Variants in DCAF8L2 observed in about 807,000 individuals in gnomAD.
The protein encoded by DCAF8L2 is DDB1 and CUL4 associated factor 8 like 2.
For synonymous variants in DCAF8L2, 200 were observed against 190.9 expected (o/e 1.05, Z -0.39); for missense variants, 430 against 490.7 (o/e 0.88, Z 1.17).
At chrX:27,630,255 T>G (rs1928228453) in intron 1 of DCAF8L2, among the ~76,000 whole-genome samples, 1 of 111,830 alleles carries the variant, frequency 8.9e-6, no homozygotes, top group Non-Finnish European at 1.9e-5. Context: ...GAAATAATTT[T>G]ACTTCTTTAT....
At chrX:27,563,987 C>T in the DCAF8L2 span, among the ~76,000 whole-genome samples, 1 of 112,180 alleles carries the variant, frequency 8.9e-6, no homozygotes, top group Non-Finnish European at 1.9e-5. Context: ...ACTGGCTGTA[C>T]TTTCAATGCT....
intron 1 of DCAF8L2, among the ~76,000 whole-genome samples, chrX:27,625,958 G>A (rs923448897): frequency 9.0e-6 from 1 of 110,982 alleles, no homozygotes; most frequent in Non-Finnish European, 1.9e-5. Flanking sequence ...AAACACCTGT[G>A]ATACACAATT....
At chrX:27,469,660 A>T in the DCAF8L2 span, among the ~76,000 whole-genome samples, 4,494 of 111,667 alleles carry the variant, frequency 0.04, 229 homozygotes, top group African/African-American at 0.14. Flanking sequence ...GAAATCTTAA[A>T]CACTTTGGCT....
At chrX:27,548,418 C>T in the DCAF8L2 span, among the ~76,000 whole-genome samples, 496 of 111,001 alleles carry the variant, frequency 4.5e-3, 3 homozygotes, top group Non-Finnish European at 7.5e-3. Context: ...AGGATTTTAG[C>T]CAAAGAAGAG....
the DCAF8L2 span, chrX:27,519,719 A>T: frequency 1.7e-6 from 1 of 571,610 alleles, no homozygotes; most frequent in Non-Finnish European, 3.2e-6. Context: ...GTTAAGAAGC[A>T]ACTTCAGGCA....
the DCAF8L2 span, among the ~76,000 whole-genome samples, chrX:27,536,476 A>G: frequency 8.9e-6 from 1 of 112,364 alleles, no homozygotes; most frequent in Non-Finnish European, 1.9e-5. Flanking sequence ...GGTATAGGCC[A>G]CCTTATTTTT....
chrX:27,703,210 C>A (rs1931196747), intron 3 of DCAF8L2, among the ~76,000 whole-genome samples: 1 of 111,229 alleles, frequency 9.0e-6, no homozygotes, highest in Non-Finnish European at 1.9e-5. Flanking sequence ...TAAATGAAAA[C>A]ACATCCCATG....
At chrX:27,681,748 T>C (rs1385636713) in intron 3 of DCAF8L2, among the ~76,000 whole-genome samples, 3 of 111,893 alleles carry the variant, frequency 2.7e-5, no homozygotes, top group African/African-American at 6.5e-5. Context: ...ATTTACTCTC[T>C]GAATCTTTCT....
intron 1 of DCAF8L2, among the ~76,000 whole-genome samples, chrX:27,596,994 C>T (rs1375935083): frequency 9.0e-6 from 1 of 111,140 alleles, no homozygotes; most frequent in South Asian, 3.8e-4. Context: ...TAGAAAAGTG[C>T]TCTTGGAACA....
intron 2 of DCAF8L2, among the ~76,000 whole-genome samples, chrX:27,647,235 G>A (rs1349619115): frequency 8.9e-6 from 1 of 112,041 alleles, no homozygotes; most frequent in East Asian, 2.8e-4. Flanking sequence ...AGCCATAAAA[G>A]GAATGAAATC....
chrX:27,518,795 C>G, the DCAF8L2 span: 1 of 426,906 alleles, frequency 2.3e-6, no homozygotes, highest in Admixed American at 3.4e-5. Context: ...AAAAAGGGAA[C>G]TGAATTGTGG....
the DCAF8L2 span, among the ~76,000 whole-genome samples, chrX:27,583,745 T>C: frequency 9.0e-6 from 1 of 111,418 alleles, no homozygotes; most frequent in African/African-American, 3.3e-5. Flanking sequence ...GGTTGCACGC[T>C]CCTTACGAGA....
intron 4 of DCAF8L2, among the ~76,000 whole-genome samples, chrX:27,722,709 TG>T (rs966503184): frequency 9.0e-6 from 1 of 110,774 alleles, no homozygotes; most frequent in Non-Finnish European, 1.9e-5. Context: ...ATATACTGCT[TG>T]TGTTCCAGAT....
At chrX:27,489,720 A>G in the DCAF8L2 span, among the ~76,000 whole-genome samples, 12 of 111,662 alleles carry the variant, frequency 1.1e-4, no homozygotes, top group Admixed American at 5.7e-4. Context: ...TGAAATTGCC[A>G]AACTATTTTC....
Position 27,748,486 on chromosome X carries a change from A to C in DCAF8L2, c.1591A>C (p.Ser531Arg), listed in dbSNP as rs1922396988. Residue 531 changes from serine to arginine, a missense_variant, in exon 5 of 5, where the codon AGT becomes CGT. Physicochemically the swap from Ser to Arg is moderately radical, Grantham distance 110 (BLOSUM62 -1). Coordinates refer to ENST00000451261, the MANE Select transcript of DCAF8L2 (RefSeq NM_001353450.2). ...PHPYLPVLAC[S>R]GLDHDVKIWT... ...CCCTTACCTACCTGTGTTGGCGTGC[A>C]GTGGCCTAGATCATGATGTCAAGAT... is the stretch of plus-strand genomic sequence containing the variant. 8.3e-7 allele frequency: 1 copy of C among 1,208,635 alleles called. No homozygotes were observed.
intron 3 of DCAF8L2, among the ~76,000 whole-genome samples, chrX:27,707,690 A>G (rs1602758741): frequency 9.0e-6 from 1 of 111,537 alleles, no homozygotes; most frequent in East Asian, 2.8e-4. Context: ...TAATCAGCCT[A>G]TTACTGTTGC....
intron 3 of DCAF8L2, among the ~76,000 whole-genome samples, chrX:27,709,080 C>T (rs750564887): frequency 3.5e-4 from 39 of 111,767 alleles, no homozygotes; most frequent in Non-Finnish European, 5.1e-4. Flanking sequence ...CCACCACGCC[C>T]GGCTAATTTG....
upstream of DCAF8L2, among the ~76,000 whole-genome samples, chrX:27,586,352 A>G (rs1925902979): frequency 8.9e-6 from 1 of 111,850 alleles, no homozygotes; most frequent in African/African-American, 3.3e-5. Context: ...ACCCAGCGTC[A>G]GTATTTATGT....
At chrX:27,660,998 A>G (rs1266755903) in intron 2 of DCAF8L2, among the ~76,000 whole-genome samples, 1 of 111,705 alleles carries the variant, frequency 9.0e-6, no homozygotes, top group Admixed American at 9.5e-5. Context: ...TGCAGGGGCT[A>G]TTTGGCCCAG....
Sources: allele counts gnomAD v4.1 joint callset (sites outside exome capture counted in the v4.1 genomes callset), GRCh38; gene constraint gnomAD v4.1.1; transcripts MANE v1.5; gene names NCBI Gene and HGNC (gene_info 2026-07-23, HGNC 2026-07-21).